Variants in PKHD1 observed in about 807,000 individuals in gnomAD.
PKHD1 encodes PKHD1 ciliary IPT domain containing fibrocystin/polyductin, also known as fibrocystin.
A neutral mutation model predicts 412.0 loss-of-function variants in PKHD1; 291 were observed. The observed-to-expected ratio is 0.71, with a 90% CI of 0.64 to 0.78. The LOEUF (loss-of-function observed/expected upper bound fraction) is 0.78. PKHD1 is among the 30% of genes least tolerant of loss of function. The pLI, the probability that PKHD1 is intolerant of heterozygous loss-of-function variation, is 0.00. For missense variants in PKHD1, 4,825 were observed against 4,950.7 expected, an observed-to-expected ratio of 0.97 and a Z score of 0.76; for synonymous variants, 1,777 against 1,821.5, an observed-to-expected ratio of 0.98 and a Z score of 0.62.
chr6:51,631,427 A>C (rs895077469), intron 65 of PKHD1, among the ~76,000 whole-genome samples: 2 of 152,340 alleles, frequency 1.3e-5, no homozygotes, highest in Admixed American at 1.3e-4. Flanking sequence ...GTTCAAATAC[A>C]GAAAATGTAT....
chr6:51,963,489 T>G (rs1436225863), intron 35 of PKHD1, among the ~76,000 whole-genome samples: 1 of 152,130 alleles, frequency 6.6e-6, no homozygotes, highest in Non-Finnish European at 1.5e-5. Context: ...TACTGCAGCA[T>G]CCACTGCTTA....
At chr6:51,912,011 GAAT>G (rs1783032613) in intron 38 of PKHD1, 55 bp from the exon 39 acceptor site, 6 of 1,336,050 alleles carry the variant, frequency 4.5e-6, no homozygotes, top group Non-Finnish European at 6.4e-6. Context: ...ATCTTACTAG[GAAT>G]AATAAGCCAC....
chr6:52,062,375 G>A (rs1337168527), intron 14 of PKHD1, 144 bp downstream of exon 14: 5 of 875,452 alleles, frequency 5.7e-6, no homozygotes, highest in Non-Finnish European at 9.5e-6. Context: ...CACTGATTGA[G>A]AATACTGTCA....
chr6:51,950,220 A>AAAAAAAAAAAAAAAAAAAAAT, intron 36 of PKHD1, among the ~76,000 whole-genome samples: 1 of 98,326 alleles, frequency 1.0e-5, no homozygotes, highest in African/African-American at 3.8e-5. Flanking sequence ...GAAAAAAAAA[A>AAAAAAAAAAAAAAAAAAAAAT]ATATATATAT....
At chr6:51,694,548 C>CCTTTT (rs772571533) in intron 60 of PKHD1, among the ~76,000 whole-genome samples, 1 of 37,690 alleles carries the variant, frequency 2.7e-5, no homozygotes, top group Non-Finnish European at 4.4e-5. Flanking sequence ...CACAACCAGC[C>CCTTTT]TTTTTTTTTT....
At position 51,759,688 on chromosome 6, in the gene PKHD1, T is replaced by C. The variant is rs973513508; in HGVS notation, c.8643-4750A>G. Reference sequence around the variant, plus strand: ...GCCCCGATTGCCACAATAGCTGCCCTGTCTTAAGGCTTACACTGTGCCAGA... The same window carrying C: ...GCCCCGATTGCCACAATAGCTGCCCCGTCTTAAGGCTTACACTGTGCCAGA... On this transcript the variant is annotated intron_variant, in intron 55 of 66. Transcript: ENST00000371117. Among the ~76,000 whole-genome samples, 5 of 152,266 alleles carry C rather than the reference T, an allele frequency of 3.3e-5. No individual in the cohort carries two copies. The East Asian group carries it at 9.7e-4, about 29-fold the overall frequency.
intron 53 of PKHD1, among the ~76,000 whole-genome samples, chr6:51,782,768 T>C (rs1792237559): frequency 1.3e-5 from 2 of 152,164 alleles, no homozygotes; most frequent in Non-Finnish European, 2.9e-5. Context: ...GAACATCACA[T>C]ACAAGATTCT....
intron 45 of PKHD1, among the ~76,000 whole-genome samples, chr6:51,883,762 T>C (rs537894790): frequency 6.8e-4 from 104 of 152,272 alleles, no homozygotes; most frequent in Non-Finnish European, 1.1e-3. Flanking sequence ...GTCTACTACT[T>C]GCTATGGTTT....
At position 51,619,407 on chromosome 6, in the gene PKHD1, C is replaced by G. The variant is rs754955355; in HGVS notation, c.11899G>C (p.Val3967Leu). 6.2e-7 allele frequency: 1 copy of G among 1,613,602 alleles called. No individual in the cohort carries two copies. Among genetic ancestry groups the G allele is most frequent in the Admixed American group, 1.7e-5 (1 of 60,014 alleles). ...RHIVREEEAAVPAPGTTGITS... is the reference protein window; with the variant it reads ...RHIVREEEAALPAPGTTGITS... ...ATGCCAGTAGTACCAGGAGCAGGCA[C>G]AGCAGCCTCTTCCTCTCGGACAATG... The change falls in exon 67 of 67, where the codon GTG (valine) becomes CTG (leucine). Residue 3967 changes from valine to leucine, a missense_variant. Val to Leu is a conservative substitution (Grantham distance 32, BLOSUM62 1). Coordinates refer to ENST00000371117, the MANE Select transcript of PKHD1 (RefSeq NM_138694.4).
intron 52 of PKHD1, among the ~76,000 whole-genome samples, chr6:51,794,088 G>A (rs1045029710): frequency 2.3e-4 from 33 of 141,642 alleles, no homozygotes; most frequent in Admixed American, 2.1e-3. Context: ...TCACTCTGTC[G>A]TGCAGTGGCG....
Position 51,670,514 on chromosome 6 carries a change from G to A in PKHD1, c.10157-10545C>T, listed in dbSNP as rs1417363580. On this transcript the variant is annotated intron_variant, in intron 60 of 66. Transcript: ENST00000371117. The stretch of plus-strand genomic sequence containing the variant: ...GACTCTTTATCCAGTTTGCCAGTCT[G>A]TGTCTTTTAATTGGAGCATTTAGTC... Among the ~76,000 whole-genome samples the A allele has an allele frequency of 1.1e-3, 169 of 151,670 alleles. 2 individuals carry two copies. Among genetic ancestry groups the A allele is most frequent in the Non-Finnish European group, 1.5e-5 (1 of 67,766 alleles).
intron 37 of PKHD1, among the ~76,000 whole-genome samples, chr6:51,921,933 A>T (rs1784774291): frequency 6.6e-6 from 1 of 152,066 alleles, no homozygotes; most frequent in African/African-American, 2.4e-5. Flanking sequence ...ACTTCTGTCA[A>T]CTCATCAAAG....
intron 43 of PKHD1, among the ~76,000 whole-genome samples, chr6:51,888,503 C>T (rs1405063878): frequency 6.6e-6 from 1 of 151,862 alleles, no homozygotes; most frequent in Non-Finnish European, 1.5e-5. Flanking sequence ...TTGGTTCCAA[C>T]ATGTTCAAAC....
intron 36 of PKHD1, among the ~76,000 whole-genome samples, chr6:51,953,860 A>G (rs1299315498): frequency 3.3e-5 from 5 of 152,210 alleles, no homozygotes; most frequent in African/African-American, 1.2e-4. Context: ...CCAGAAAAAC[A>G]TGTTTCTGTG....
rs911695673 is a variant in PKHD1 at position 51,633,235 on chromosome 6, C to T, written c.11507-512G>A. On this transcript the variant is annotated intron_variant, in intron 64 of 66. Coordinates refer to ENST00000371117, the MANE Select transcript of PKHD1 (RefSeq NM_138694.4). Reference sequence around the variant, plus strand: ...CTAGAACAATGGCAGATAGAACTGCCGGCCATGAATGATGGGGCAAGATAG... The same window carrying T: ...CTAGAACAATGGCAGATAGAACTGCTGGCCATGAATGATGGGGCAAGATAG... Among the ~76,000 whole-genome samples, 34 of 152,020 alleles carry T rather than the reference C, an allele frequency of 2.2e-4. 1 individual carries two copies. Among genetic ancestry groups the T allele is most frequent in the Admixed American group, 1.5e-3 (23 of 15,262 alleles).
intron 52 of PKHD1, among the ~76,000 whole-genome samples, chr6:51,798,514 CT>C (rs776570920): frequency 1.4e-4 from 22 of 152,138 alleles, no homozygotes; most frequent in Non-Finnish European, 2.9e-4. Flanking sequence ...GATGGGCTTC[CT>C]TTTGTAGGTC....
intron 55 of PKHD1, among the ~76,000 whole-genome samples, chr6:51,764,250 G>A (rs1399765645): frequency 1.4e-4 from 21 of 149,550 alleles, no homozygotes; most frequent in East Asian, 4.0e-4. Context: ...AAAAGTGGGC[G>A]AAAGACATGA....
At chr6:51,896,727 G>A (rs1362635418) in intron 43 of PKHD1, among the ~76,000 whole-genome samples, 4 of 152,026 alleles carry the variant, frequency 2.6e-5, no homozygotes, top group African/African-American at 4.8e-5. Flanking sequence ...AGCTACGGGA[G>A]GACATTCAAA....
chr6:51,709,175 C>T (rs1780355409), intron 60 of PKHD1, among the ~76,000 whole-genome samples: 2 of 152,184 alleles, frequency 1.3e-5, no homozygotes, highest in African/African-American at 4.8e-5. Flanking sequence ...AGACTATGAG[C>T]TCTTCAAAGT....
Sources: gnomAD v4.1 joint callset for allele counts (sites outside exome capture counted in the v4.1 genomes callset) on GRCh38, gnomAD v4.1.1 for gene constraint, MANE v1.5 for transcripts, NCBI Gene and HGNC (gene_info 2026-07-23, HGNC 2026-07-21) for gene names.